Variants in PARD3B observed in about 807,000 individuals in gnomAD.
PARD3B encodes partitioning defective 3 homolog B.
PARD3B carries 103 observed loss-of-function variants against 130.2 expected under a neutral mutation model. The ratio of observed to expected loss-of-function variants is 0.79; its 90% CI spans 0.67 to 0.93. The LOEUF is 0.93. Among genes scored for constraint, PARD3B ranks in the 40% least tolerant of loss-of-function variants. PARD3B has a pLI of 0.00. For synonymous variants in PARD3B, 583 were observed against 553.2 expected (o/e 1.05, Z -0.76); for missense variants, 1,609 against 1,499.2 (o/e 1.07, Z -1.21).
chr2:204,562,605 A>T (rs1167704789), intron 1 of PARD3B, among the ~76,000 whole-genome samples: 1 of 152,268 alleles, frequency 6.6e-6, no homozygotes, highest in Non-Finnish European at 1.5e-5. Flanking sequence ...TTCTTTTGTC[A>T]TGACATGGTG....
intron 2 of PARD3B, among the ~76,000 whole-genome samples, chr2:204,872,081 T>G (rs151303196): frequency 6.6e-6 from 1 of 152,192 alleles, no homozygotes; most frequent in East Asian, 1.9e-4. Flanking sequence ...TTAACACTAT[T>G]GACTCAAAAC....
At chr2:204,812,806 G>T (rs1401919285) in intron 2 of PARD3B, among the ~76,000 whole-genome samples, 1 of 152,120 alleles carries the variant, frequency 6.6e-6, no homozygotes, top group Non-Finnish European at 1.5e-5. Context: ...CTGGGAGACT[G>T]CCTTTCCCTG....
intron 1 of PARD3B, among the ~76,000 whole-genome samples, chr2:204,672,255 G>A (rs1054233642): frequency 6.6e-6 from 1 of 152,284 alleles, no homozygotes; most frequent in South Asian, 2.1e-4. Flanking sequence ...AATTGTTTTT[G>A]GAGTTTGGCT....
At chr2:205,485,633 G>A (rs2049409459) in intron 20 of PARD3B, among the ~76,000 whole-genome samples, 1 of 152,156 alleles carries the variant, frequency 6.6e-6, no homozygotes, top group African/African-American at 2.4e-5. Context: ...GGCCCTACTT[G>A]CAATTCTTCA....
At chr2:205,236,499 G>T (rs957631184) in intron 15 of PARD3B, among the ~76,000 whole-genome samples, 2 of 152,162 alleles carry the variant, frequency 1.3e-5, no homozygotes, top group African/African-American at 4.8e-5. Context: ...GAGCCAAGGA[G>T]AGATGCCCCA....
chr2:204,630,564 T>C (rs2034643114), intron 1 of PARD3B, among the ~76,000 whole-genome samples: 1 of 152,192 alleles, frequency 6.6e-6, no homozygotes, highest in African/African-American at 2.4e-5. Context: ...AATTTTTGTG[T>C]ATTTGGATGT....
intron 4 of PARD3B, among the ~76,000 whole-genome samples, chr2:205,074,386 A>G (rs1700915335): frequency 2.0e-5 from 3 of 152,346 alleles, no homozygotes; most frequent in Non-Finnish European, 4.4e-5. Context: ...TAATTGGTAA[A>G]GGAATCATCT....
chr2:204,758,663 T>G (rs1190828242), intron 2 of PARD3B, among the ~76,000 whole-genome samples: 1 of 152,182 alleles, frequency 6.6e-6, no homozygotes, highest in Non-Finnish European at 1.5e-5. Context: ...GCCATCAAAG[T>G]TGAGACAGCA....
At chr2:204,558,800 G>T (rs932511094) in intron 1 of PARD3B, among the ~76,000 whole-genome samples, 1 of 152,066 alleles carries the variant, frequency 6.6e-6, no homozygotes, top group Non-Finnish European at 1.5e-5. Flanking sequence ...TATACTACAA[G>T]GCTACAGTAA....
chr2:205,410,704 T>C (rs968128573), intron 19 of PARD3B, among the ~76,000 whole-genome samples: 5 of 152,178 alleles, frequency 3.3e-5, no homozygotes, highest in Middle Eastern at 3.2e-3. Context: ...TATATCAAAC[T>C]TCTGTAAATC....
At chr2:205,261,083 A>T (rs567302858) in intron 16 of PARD3B, among the ~76,000 whole-genome samples, 3 of 152,146 alleles carry the variant, frequency 2.0e-5, no homozygotes, top group East Asian at 3.9e-4. Flanking sequence ...TTCCTTTAGG[A>T]TTTCCTTTAA....
intron 2 of PARD3B, among the ~76,000 whole-genome samples, chr2:204,926,787 A>G (rs11683576): frequency 0.25 from 37,788 of 151,948 alleles, 4,992 homozygotes; most frequent in Admixed American, 0.34. Context: ...TGTATAGCAT[A>G]CTCTTCAAGC....
chr2:205,418,557 A>G (rs1207603273), intron 19 of PARD3B, among the ~76,000 whole-genome samples: 1 of 152,224 alleles, frequency 6.6e-6, no homozygotes, highest in Non-Finnish European at 1.5e-5. Context: ...AGCTGGGACA[A>G]TAGGACACAC....
At chr2:204,860,839 A>T (rs1285793526) in intron 2 of PARD3B, among the ~76,000 whole-genome samples, 1 of 152,194 alleles carries the variant, frequency 6.6e-6, no homozygotes. Context: ...TTAAAAAAAA[A>T]TCTTTATTGA....
At chr2:205,199,645 G>T (rs186561981) in intron 15 of PARD3B, among the ~76,000 whole-genome samples, 1 of 152,054 alleles carries the variant, frequency 6.6e-6, no homozygotes, top group Non-Finnish European at 1.5e-5. Context: ...GTGCGAGGTG[G>T]CCCATTGTTT....
chr2:205,489,352 C>T (rs1046799072), intron 20 of PARD3B, among the ~76,000 whole-genome samples: 1 of 151,728 alleles, frequency 6.6e-6, no homozygotes, highest in Non-Finnish European at 1.5e-5. Flanking sequence ...TGGCTCACAC[C>T]TATAATCCCA....
chr2:205,471,734 G>C (rs1349225933), intron 20 of PARD3B, among the ~76,000 whole-genome samples: 5 of 152,186 alleles, frequency 3.3e-5, no homozygotes, highest in African/African-American at 9.6e-5. Context: ...GCCATTAATT[G>C]GTCAGAACTG....
intron 18 of PARD3B, among the ~76,000 whole-genome samples, chr2:205,328,249 T>C (rs1173419338): frequency 6.6e-6 from 1 of 152,214 alleles, no homozygotes; most frequent in East Asian, 1.9e-4. Context: ...TGGTTTTCCA[T>C]TTATTGCATT....
rs1702102471 is a variant in PARD3B at position 205,091,434 on chromosome 2, A to C, written c.505-12992A>C. On this transcript the variant is annotated intron_variant, in intron 4 of 22. Transcript: ENST00000406610. The surrounding 1 kb of genome is among the most constrained non-coding windows in gnomAD (Gnocchi z 4.2). ...CACTTTTCTGCACCTTCTCGGGGAA[A>C]TAGATGAGGAGGGTGGCCATTAGAA... Among the ~76,000 whole-genome samples the C allele has an allele frequency of 6.6e-6, 1 of 152,162 alleles. No homozygotes were observed. The highest frequency in any genetic ancestry group is 6.6e-5 in the Admixed American group (1 of 15,260).
Sources: allele counts gnomAD v4.1 joint callset (sites outside exome capture counted in the v4.1 genomes callset), GRCh38; gene constraint gnomAD v4.1.1; non-coding constraint Gnocchi (gnomAD v3.1); transcripts MANE v1.5; gene names NCBI Gene and HGNC (gene_info 2026-07-23, HGNC 2026-07-21).